PCDHA9: variants seen among roughly 807,000 people sequenced by gnomAD.
The protein encoded by PCDHA9 is protocadherin alpha 9.
Under a neutral mutation model 62.0 loss-of-function variants are expected in PCDHA9, and 62 were observed. The ratio of observed to expected loss-of-function variants is 1.00; its 90% confidence interval spans 0.81 to 1.23. The LOEUF is 1.23. PCDHA9 is among the 50% of genes most tolerant of loss of function. The pLI, the probability that PCDHA9 is intolerant of heterozygous loss-of-function variation, is 0.00. For missense variants in PCDHA9, 1,205 were observed against 1,249.8 expected (o/e 0.96, Z 0.54); for synonymous variants, 557 against 567.6 (o/e 0.98, Z 0.27).
At chr5:140,865,309 T>C (rs1554159355) in intron 1 of PCDHA9, 1 of 152,176 alleles carries the variant, frequency 6.6e-6, no homozygotes, top group Non-Finnish European at 1.5e-5. Flanking sequence ...TAATTACAAA[T>C]GAGATGGCCT....
At chr5:140,987,480 A>C (rs1489888830) in intron 3 of PCDHA9, among the ~76,000 whole-genome samples, 2 of 152,192 alleles carry the variant, frequency 1.3e-5, no homozygotes, top group African/African-American at 4.8e-5. Flanking sequence ...CTTGGGAGTC[A>C]GTGACCCTTT....
intron 1 of PCDHA9, among the ~76,000 whole-genome samples, chr5:140,920,824 C>T (rs537294471): frequency 3.4e-5 from 5 of 145,004 alleles, no homozygotes; most frequent in Admixed American, 1.4e-4. Context: ...AGCCTGGCGA[C>T]GGAGCAAGAC....
At chr5:140,966,695 C>A in intron 1 of PCDHA9, 1 of 1,358,486 alleles carries the variant, frequency 7.4e-7, no homozygotes, top group Non-Finnish European at 9.5e-7. Flanking sequence ...AGGCGGGGCC[C>A]GGGCGTGGGG....
At chr5:140,871,316 TGGTGTGCTCCCGCGC>T in intron 1 of PCDHA9, 1 of 1,614,034 alleles carries the variant, frequency 6.2e-7, no homozygotes, top group Non-Finnish European at 8.5e-7. Context: ...AAGCCCACGC[TGGTGTGCTCCCGCGC>T]GGTGGGGAGC....
In PCDHA9 at chr5:140,903,111, A is replaced by G. The variant is rs1002837275; in HGVS notation, c.2394+52222A>G. ...CATTGCTGGATCAAATAATAGCTCT[A>G]CTTCTAAATCTTTAAGAAATCTCCA... On this transcript the variant is annotated intron_variant, in intron 1 of 3. Transcript: ENST00000532602. Among the ~76,000 whole-genome samples, 13 of 152,306 alleles carry G rather than the reference A, an allele frequency of 8.5e-5. No individual in the cohort carries two copies. In the East Asian group the frequency reaches 2.5e-3, roughly 29 times the overall value.
At chr5:141,004,833 C>A (rs1421886072) in intron 3 of PCDHA9, among the ~76,000 whole-genome samples, 1 of 152,168 alleles carries the variant, frequency 6.6e-6, no homozygotes, top group Non-Finnish European at 1.5e-5. Flanking sequence ...TTAGATAGAT[C>A]AAAGTCATTA....
chr5:140,849,855 G>T lies in PCDHA9; in HGVS notation c.1360G>T (p.Ala454Ser), dbSNP rs2150454163. The change falls in exon 1 of 4, where the codon GCG becomes TCG. Residue 454 changes from alanine (A) to serine (S), a missense_variant. By Grantham distance (99) the Ala-to-Ser change is moderately conservative. Transcript: ENST00000532602. ...GGCCGACGTGAACGACAACGCACCA[G>T]CGTTCGCGCAGTCCGAGTACACGGT... ...EVADVNDNAP[A>S]FAQSEYTVFV... 1.9e-6 allele frequency: 3 copies of T among 1,598,654 alleles called. No homozygotes were observed. The highest frequency in any genetic ancestry group is 2.6e-6 in the Non-Finnish European group (3 of 1,168,012).
chr5:140,926,469 C>A (rs558686220), intron 1 of PCDHA9: 1 of 162,452 alleles, frequency 6.2e-6, no homozygotes, highest in Admixed American at 6.4e-5. Context: ...TAGAAAACAC[C>A]GTTTAAGGAG....
intron 1 of PCDHA9, among the ~76,000 whole-genome samples, chr5:140,965,199 T>C (rs1296377172): frequency 6.6e-6 from 1 of 152,234 alleles, no homozygotes. Context: ...AGGCAATAGA[T>C]TTCAAATTCC....
chr5:141,007,377 AC>A lies in PCDHA9; in HGVS notation c.2543-2248del, dbSNP rs1563708435. Among the ~76,000 whole-genome samples, 4 of 136,616 alleles carry A rather than the reference AC, an allele frequency of 2.9e-5. No individual in the cohort carries two copies. The East Asian group carries it at 8.7e-4, about 30-fold the overall frequency. The allele number at this position is 136,616 out of a possible 152,430, so 89.6% of individuals were successfully genotyped here. ...ACCAGCCTGGGCAACATGATGGAAC[AC>A]CATCTCTACTAAAATACAAAAAAAA... On this transcript the variant is annotated intron_variant, in intron 3 of 3. Transcript: ENST00000532602.
chr5:140,877,101 G>A lies in PCDHA9; in HGVS notation c.2394+26212G>A, dbSNP rs375706181. ...TGAGCGCGCGCGACGCCGGCGTGCCGCCTCTGGGCAGCAACGTGACGCTGC... is the reference window on the plus strand; with the variant it reads ...TGAGCGCGCGCGACGCCGGCGTGCCACCTCTGGGCAGCAACGTGACGCTGC... On this transcript the variant is annotated intron_variant, in intron 1 of 3. Transcript: ENST00000532602. 3.3e-5 allele frequency: 53 copies of A among 1,613,354 alleles called. 1 individual carries two copies. The highest frequency in any genetic ancestry group is 4.1e-5 in the Non-Finnish European group (48 of 1,179,850).
intron 1 of PCDHA9, chr5:140,858,328 G>A (rs782462952): frequency 3.1e-6 from 5 of 1,596,534 alleles, no homozygotes; most frequent in East Asian, 2.2e-5. Context: ...GTTCTGGGGA[G>A]GGCCTGCCCA....
At chr5:140,881,399 T>A in intron 1 of PCDHA9, 1 of 975,578 alleles carries the variant, frequency 1.0e-6, no homozygotes, top group Non-Finnish European at 1.2e-6. Flanking sequence ...TTAAATTCTA[T>A]TAAATCAATA....
At chr5:140,861,589 T>C in intron 1 of PCDHA9, 2 of 373,158 alleles carry the variant, frequency 5.4e-6, no homozygotes, top group South Asian at 4.9e-5. Context: ...CATGTGGAGG[T>C]GAAAGTGAAG....
intron 1 of PCDHA9, among the ~76,000 whole-genome samples, chr5:140,914,386 G>A (rs565819670): frequency 2.6e-5 from 4 of 152,216 alleles, no homozygotes; most frequent in East Asian, 1.9e-4. Flanking sequence ...TGTTATAAGT[G>A]TAGTTACCCC....
In PCDHA9 at chr5:141,011,182, G is replaced by C. The variant is rs887034679; in HGVS notation, c.*1245G>C. The C allele has an allele frequency of 6.5e-6, 1 of 153,494 alleles. No individual in the cohort carries two copies. Among genetic ancestry groups the C allele is most frequent in the African/African-American group, 2.4e-5 (1 of 41,364 alleles). The allele number at this position is 153,494 out of a possible 1,614,324, so 9.5% of individuals were successfully genotyped here. A position where few individuals can be genotyped will look rare whatever the true frequency, so the allele number is the denominator to read the frequency against. On this transcript the variant is annotated 3_prime_UTR_variant, in exon 4 of 4. Coordinates refer to ENST00000532602, the MANE Select transcript of PCDHA9 (RefSeq NM_031857.2). The stretch of plus-strand genomic sequence containing the variant: ...TATATATCAAGACCCAAAAATTGAA[G>C]AAAAATATTGTTTTCTCATACAGTG...
chr5:140,866,671 G>A (rs2049487363), intron 1 of PCDHA9: 1 of 152,084 alleles, frequency 6.6e-6, no homozygotes, highest in Admixed American at 6.5e-5. Context: ...AGAAATAATA[G>A]CACTAGGTCT....
chr5:140,927,098 A>G (rs1554204018), intron 1 of PCDHA9: 4 of 1,613,286 alleles, frequency 2.5e-6, no homozygotes, highest in Non-Finnish European at 3.4e-6. Flanking sequence ...TTCGGGGTGG[A>G]TCTACCCAGC....
intron 1 of PCDHA9, among the ~76,000 whole-genome samples, chr5:140,873,578 G>A (rs1175903601): frequency 6.8e-5 from 8 of 117,146 alleles, no homozygotes; most frequent in Non-Finnish European, 1.4e-4. Flanking sequence ...GGTTGTTTAA[G>A]TATTAAGCTA....
Sources: allele counts gnomAD v4.1 joint callset (sites outside exome capture counted in the v4.1 genomes callset), GRCh38; gene constraint gnomAD v4.1.1; transcripts MANE v1.5; gene names NCBI Gene and HGNC (gene_info 2026-07-23, HGNC 2026-07-21).